LARGE1: variants seen among roughly 807,000 people sequenced by gnomAD.
LARGE1 encodes the protein xylosyl- and glucuronyltransferase LARGE1.
Under a neutral mutation model 87.6 loss-of-function variants are expected in LARGE1, and 43 were observed. The ratio of observed to expected loss-of-function variants is 0.49; its 90% CI spans 0.38 to 0.63. The LOEUF (loss-of-function observed/expected upper bound fraction) is 0.63. Among genes scored for constraint, LARGE1 ranks in the 30% least tolerant of loss-of-function variants. LARGE1 has a pLI of 0.00. For missense variants in LARGE1, 802 were observed against 1,000.2 expected (o/e 0.80, Z 2.67); for synonymous variants, 434 against 394.6 (o/e 1.10, Z -1.18).
chr22:33,335,554 T>C (rs1197080990), intron 10 of LARGE1, among the ~76,000 whole-genome samples: 1 of 152,090 alleles, frequency 6.6e-6, no homozygotes, highest in East Asian at 1.9e-4. Flanking sequence ...AAAATAACTA[T>C]AAAAAATAAC....
chr22:33,678,072 CG>C (rs918445192), intron 2 of LARGE1, among the ~76,000 whole-genome samples: 11 of 152,262 alleles, frequency 7.2e-5, no homozygotes, highest in African/African-American at 2.6e-4. Flanking sequence ...GAATAAAAAA[CG>C]CATTTGTAAA....
intron 6 of LARGE1, among the ~76,000 whole-genome samples, chr22:33,466,732 C>T (rs1044976671): frequency 6.7e-6 from 1 of 149,938 alleles, no homozygotes; most frequent in African/African-American, 2.5e-5. Flanking sequence ...ACACACTACA[C>T]ACACACACCT....
intron 6 of LARGE1, among the ~76,000 whole-genome samples, chr22:33,555,419 G>GA (rs1289773256): frequency 6.6e-6 from 1 of 152,052 alleles, no homozygotes; most frequent in East Asian, 1.9e-4. Flanking sequence ...AAAAAAATAT[G>GA]AAAGAGCAGT....
At chr22:33,458,536 A>G (rs959740255) in intron 6 of LARGE1, among the ~76,000 whole-genome samples, 7 of 151,736 alleles carry the variant, frequency 4.6e-5, no homozygotes, top group African/African-American at 1.5e-4. Context: ...GGTTCAAGCT[A>G]TTCTCCAGCC....
chr22:33,765,596 T>C (rs1222072336), intron 1 of LARGE1, among the ~76,000 whole-genome samples: 1 of 150,606 alleles, frequency 6.6e-6, no homozygotes, highest in East Asian at 2.0e-4. Context: ...TCCCAGCTAC[T>C]TGGGAGGCTG....
chr22:33,197,245 C>T (rs779628838), intron 11 of LARGE1, among the ~76,000 whole-genome samples: 17 of 152,048 alleles, frequency 1.1e-4, no homozygotes, highest in Non-Finnish European at 2.4e-4. Context: ...AGGATACCTG[C>T]TCTTATAACT....
At chr22:33,545,449 C>CACACACACACACA (rs1173952096) in intron 6 of LARGE1, among the ~76,000 whole-genome samples, 8 of 138,588 alleles carry the variant, frequency 5.8e-5, no homozygotes, top group African/African-American at 2.1e-4. Flanking sequence ...CACACACACA[C>CACACACACACACA]AATTTCTTCT....
chr22:33,677,998 A>G (rs2081633307), intron 2 of LARGE1, among the ~76,000 whole-genome samples: 1 of 152,202 alleles, frequency 6.6e-6, no homozygotes, highest in East Asian at 1.9e-4. Context: ...GAAAAGTGAG[A>G]AGACGATTGG....
intron 11 of LARGE1, among the ~76,000 whole-genome samples, chr22:33,242,525 A>C (rs1484375649): frequency 6.6e-6 from 1 of 152,136 alleles, no homozygotes; most frequent in Non-Finnish European, 1.5e-5. Context: ...TATGGACACG[A>C]TCTCAGCACT....
rs551168127 is a variant in LARGE1 at position 33,468,647 on chromosome 22, C to A, written c.788-36382G>T. Among the ~76,000 whole-genome samples, 11 of 152,238 alleles carry A rather than the reference C, an allele frequency of 7.2e-5. No individual in the cohort carries two copies. In the South Asian group the frequency reaches 8.3e-4, roughly 11 times the overall value. On this transcript the variant is annotated intron_variant, in intron 6 of 14. Coordinates refer to ENST00000397394, the MANE Select transcript of LARGE1 (RefSeq NM_133642.5). The stretch of plus-strand genomic sequence containing the variant: ...CATACATCTATTTTATTTTTCCCAG[C>A]GGCTCTCTGAGATACATATATTAAT...
At chr22:33,484,414 G>T (rs2069475227) in intron 6 of LARGE1, among the ~76,000 whole-genome samples, 1 of 152,186 alleles carries the variant, frequency 6.6e-6, no homozygotes, top group Non-Finnish European at 1.5e-5. Context: ...CTTGGAAAGA[G>T]AATAATGTTT....
chr22:33,432,591 T>TG (rs2067118109), intron 6 of LARGE1, among the ~76,000 whole-genome samples: 1 of 140,016 alleles, frequency 7.1e-6, no homozygotes, highest in Non-Finnish European at 1.6e-5. Flanking sequence ...ATTCATTCAT[T>TG]CATTCATGCA....
At chr22:33,486,334 A>G (rs970607298) in intron 6 of LARGE1, among the ~76,000 whole-genome samples, 2 of 152,246 alleles carry the variant, frequency 1.3e-5, no homozygotes, top group African/African-American at 4.8e-5. Flanking sequence ...CACGGAAAGC[A>G]GAATCTGATC....
intron 7 of LARGE1, among the ~76,000 whole-genome samples, chr22:33,423,119 A>G (rs1466310402): frequency 6.6e-6 from 1 of 151,812 alleles, no homozygotes; most frequent in Non-Finnish European, 1.5e-5. Context: ...ACTACTTTGG[A>G]AAAATGTACC....
At chr22:33,712,476 T>C (rs5999068) in intron 2 of LARGE1, among the ~76,000 whole-genome samples, 6,693 of 152,044 alleles carry the variant, frequency 0.044, 505 homozygotes, top group African/African-American at 0.15. Context: ...GGTCCAGCCA[T>C]GGGGTAACTA....
intron 6 of LARGE1, among the ~76,000 whole-genome samples, chr22:33,445,463 G>GGGAGGAAGAAGGCA (rs576309011): frequency 1.1e-3 from 171 of 152,268 alleles, no homozygotes; most frequent in Non-Finnish European, 1.8e-3. Flanking sequence ...AAATCGGGAA[G>GGGAGGAAGAAGGCA]GGAGGAAGAA....
intron 11 of LARGE1, among the ~76,000 whole-genome samples, chr22:33,192,373 G>C (rs151066393): frequency 3.3e-5 from 5 of 152,318 alleles, no homozygotes; most frequent in Non-Finnish European, 7.3e-5. Flanking sequence ...TCCCAGGTGT[G>C]AGGTGGCATC....
chr22:33,248,169 C>G (rs535153922), intron 11 of LARGE1, among the ~76,000 whole-genome samples: 1 of 152,100 alleles, frequency 6.6e-6, no homozygotes, highest in East Asian at 1.9e-4. Context: ...CATACGCCAC[C>G]TTCCCCAACA....
intron 14 of LARGE1, among the ~76,000 whole-genome samples, chr22:33,276,441 G>A (rs1380162146): frequency 1.3e-5 from 2 of 152,222 alleles, no homozygotes; most frequent in Admixed American, 1.3e-4. Flanking sequence ...AAGGAGACCT[G>A]TAGGTCCCAT....
Sources: allele counts gnomAD v4.1 joint callset (sites outside exome capture counted in the v4.1 genomes callset), GRCh38; gene constraint gnomAD v4.1.1; transcripts MANE v1.5; gene names NCBI Gene and HGNC (gene_info 2026-07-23, HGNC 2026-07-21).